The following WDR19 variants were observed in gnomAD, a reference collection of about 807,000 sequenced individuals.
The protein encoded by WDR19 is WD repeat domain 19, also known as WD repeat-containing protein 19.
Under a neutral mutation model 180.0 loss-of-function variants are expected in WDR19, and 121 were observed. The ratio of observed to expected loss-of-function variants is 0.67; its 90% confidence interval spans 0.58 to 0.78. The LOEUF is 0.78. WDR19 is among the 30% of genes least tolerant of loss of function. The pLI, the probability that WDR19 is intolerant of heterozygous loss-of-function variation, is 0.00. For missense variants in WDR19, 1,450 were observed against 1,640.7 expected (o/e 0.88, Z 2.01); for synonymous variants, 497 against 540.7 (o/e 0.92, Z 1.12).
intron 21 of WDR19, among the ~76,000 whole-genome samples, chr4:39,241,549 C>A (rs1731951371): frequency 2.0e-5 from 3 of 148,344 alleles, no homozygotes; most frequent in African/African-American, 7.5e-5. Flanking sequence ...ACGCTGGTAA[C>A]CCCAGCACTT....
intron 24 of WDR19, among the ~76,000 whole-genome samples, chr4:39,251,735 C>G (rs1733212226): frequency 6.6e-6 from 1 of 152,046 alleles, no homozygotes; most frequent in Admixed American, 6.6e-5. Flanking sequence ...GACATTTATG[C>G]AGCCAAAAAA....
intron 20 of WDR19, among the ~76,000 whole-genome samples, chr4:39,236,276 TAC>T (rs572973145): frequency 3.9e-4 from 58 of 149,644 alleles, no homozygotes; most frequent in South Asian, 1.3e-3. Context: ...AAATGTGGTA[TAC>T]ACACACACAC....
At chr4:39,257,603 ACTT>A in intron 28 of WDR19, 49 bp downstream of exon 28, 1 of 1,523,554 alleles carries the variant, frequency 6.6e-7, no homozygotes. Flanking sequence ...TTTTTAAAAA[ACTT>A]CTTGAAAAAA....
chr4:39,266,841 T>C (rs1734844242), intron 29 of WDR19, among the ~76,000 whole-genome samples: 1 of 152,216 alleles, frequency 6.6e-6, no homozygotes, highest in African/African-American at 2.4e-5. Context: ...CCCAGCACTT[T>C]GGGAGGCCAA....
At chr4:39,206,339 G>C (rs1362678716) in intron 9 of WDR19, among the ~76,000 whole-genome samples, 2 of 152,132 alleles carry the variant, frequency 1.3e-5, no homozygotes, top group Non-Finnish European at 2.9e-5. Context: ...GTCTCCCCAT[G>C]GCAGTGGCAA....
In WDR19 at chr4:39,232,283, A is replaced by G; in HGVS notation, c.2253+11A>G. The stretch of plus-strand genomic sequence containing the variant: ...ATTGCTGCCCTGGAGGTATGGCAGC[A>G]AGTAAGAATGGAAATTGTGTAAGAG... On this transcript the variant is annotated intron_variant, in intron 19 of 36. Coordinates refer to ENST00000399820, the MANE Select transcript of WDR19 (RefSeq NM_025132.4). 1.3e-6 allele frequency: 2 copies of G among 1,587,442 alleles called. No homozygotes were observed. Among genetic ancestry groups the G allele is most frequent in the Non-Finnish European group, 1.7e-6 (2 of 1,165,898 alleles).
chr4:39,220,409 C>T (rs1411259038), intron 14 of WDR19, among the ~76,000 whole-genome samples: 2 of 152,040 alleles, frequency 1.3e-5, no homozygotes, highest in Non-Finnish European at 2.9e-5. Flanking sequence ...ATCACAACCT[C>T]CTGGGCTCAA....
chr4:39,273,980 C>T (rs1278118627), intron 32 of WDR19: 6 of 152,182 alleles, frequency 3.9e-5, no homozygotes, highest in Non-Finnish European at 1.5e-5. Context: ...TGGCCTCTGT[C>T]ACAACTGCTC....
intron 36 of WDR19, among the ~76,000 whole-genome samples, chr4:39,283,805 TACTTCCTTTG>T (rs1475495616): frequency 6.6e-6 from 1 of 152,212 alleles, no homozygotes; most frequent in Non-Finnish European, 1.5e-5. Context: ...CAGCCTGAAG[TACTTCCTTTG>T]ACATTTCTTA....
intron 32 of WDR19, chr4:39,273,596 A>C (rs1049120920): frequency 7.9e-5 from 12 of 152,698 alleles, no homozygotes; most frequent in African/African-American, 2.9e-4. Flanking sequence ...GATTTTAGGC[A>C]CGGTGAGCCA....
intron 3 of WDR19, among the ~76,000 whole-genome samples, chr4:39,189,274 T>C (rs1725903149): frequency 6.6e-6 from 1 of 152,284 alleles, no homozygotes; most frequent in Non-Finnish European, 1.5e-5. Flanking sequence ...TCTAAAATAA[T>C]CTTTCAAAAG....
intron 17 of WDR19, 58 bp downstream of exon 17, chr4:39,228,748 C>A: frequency 2.1e-6 from 3 of 1,434,288 alleles, no homozygotes; most frequent in South Asian, 1.6e-5. Context: ...TTTTAAAGGT[C>A]AAATCCTATA....
At chr4:39,232,688 C>T (rs910559784) in intron 19 of WDR19, among the ~76,000 whole-genome samples, 2 of 148,430 alleles carry the variant, frequency 1.3e-5, no homozygotes, top group Non-Finnish European at 3.0e-5. Flanking sequence ...GGTGACAGAG[C>T]GAGACTCCGT....
intron 5 of WDR19, 86 bp downstream of exon 5, chr4:39,194,745 C>T: frequency 9.3e-7 from 1 of 1,074,068 alleles, no homozygotes; most frequent in Non-Finnish European, 1.4e-6. Flanking sequence ...CCTGATCTTG[C>T]AATGGAAATT....
intron 24 of WDR19, among the ~76,000 whole-genome samples, chr4:39,249,988 C>T (rs1185426283): frequency 2.0e-5 from 3 of 152,198 alleles, no homozygotes; most frequent in Non-Finnish European, 4.4e-5. Context: ...CTCCCTAACT[C>T]ATTTTATGAG....
chr4:39,278,101 G>A, intron 34 of WDR19, 30 bp from the exon 35 acceptor site: 2 of 1,542,592 alleles, frequency 1.3e-6, no homozygotes, highest in Non-Finnish European at 1.8e-6. Flanking sequence ...AAATAAAGAT[G>A]AATTTAACTC....
At chr4:39,253,851 T>G (rs1435432693) in intron 25 of WDR19, 55 bp from the exon 26 acceptor site, 1 of 1,476,462 alleles carries the variant, frequency 6.8e-7, no homozygotes, top group African/African-American at 1.4e-5. Context: ...TTGAAAAATT[T>G]TGTAAATCAC....
intron 10 of WDR19, among the ~76,000 whole-genome samples, chr4:39,215,314 TTTC>T (rs1728954329): frequency 6.6e-6 from 1 of 152,070 alleles, no homozygotes; most frequent in Non-Finnish European, 1.5e-5. Context: ...TCTTTCTTTC[TTTC>T]TTTCTTTCTT....
chr4:39,280,196 A>AC (rs1451000905), intron 36 of WDR19, among the ~76,000 whole-genome samples: 3 of 140,754 alleles, frequency 2.1e-5, no homozygotes, highest in Admixed American at 8.5e-5. Flanking sequence ...TCCTAGGCTC[A>AC]AACAATCCTC....
Sources: allele counts gnomAD v4.1 joint callset (sites outside exome capture counted in the v4.1 genomes callset), GRCh38; gene constraint gnomAD v4.1.1; transcripts MANE v1.5; gene names NCBI Gene and HGNC (gene_info 2026-07-23, HGNC 2026-07-21).